Variants in OPCML observed in about 807,000 individuals in gnomAD.
OPCML encodes opioid binding protein/cell adhesion molecule like.
A neutral mutation model predicts 37.8 loss-of-function variants in OPCML; 13 were observed. That is an observed-to-expected ratio of 0.34 (90% CI 0.22 to 0.55). The LOEUF (loss-of-function observed/expected upper bound fraction) is 0.55. Ranked by LOEUF, OPCML falls within the 20% of genes least tolerant of loss-of-function variation. The pLI, the probability that OPCML is intolerant of heterozygous loss-of-function variation, is 0.91. For missense variants in OPCML, 341 were observed against 435.6 expected (o/e 0.78, Z 1.93); for synonymous variants, 176 against 168.8 (o/e 1.04, Z -0.33).
At chr11:132,792,924 C>G (rs572984516) in intron 2 of OPCML, among the ~76,000 whole-genome samples, 15 of 152,184 alleles carry the variant, frequency 9.9e-5, no homozygotes, top group Non-Finnish European at 2.2e-4. Flanking sequence ...ATAAGCATGA[C>G]GGAGCCCAGT....
intron 4 of OPCML, among the ~76,000 whole-genome samples, chr11:132,516,613 C>A (rs997582356): frequency 6.6e-6 from 1 of 152,116 alleles, no homozygotes; most frequent in Non-Finnish European, 1.5e-5. Context: ...CAGGGTGGAG[C>A]ATATCATCCC....
intron 4 of OPCML, among the ~76,000 whole-genome samples, chr11:132,466,456 C>T (rs2096120325): frequency 6.6e-6 from 1 of 151,640 alleles, no homozygotes; most frequent in South Asian, 2.1e-4. Context: ...TGCACTCCAG[C>T]CTGGGCGACA....
At chr11:132,475,944 G>A (rs2096153875) in intron 4 of OPCML, among the ~76,000 whole-genome samples, 1 of 152,162 alleles carries the variant, frequency 6.6e-6, no homozygotes, top group Non-Finnish European at 1.5e-5. Flanking sequence ...CCCTGTGCAA[G>A]TAACCTAACC....
intron 1 of OPCML, among the ~76,000 whole-genome samples, chr11:133,144,535 A>G (rs1265473975): frequency 2.0e-5 from 3 of 152,230 alleles, no homozygotes; most frequent in Non-Finnish European, 2.9e-5. Context: ...CTACAAGCCC[A>G]GGGAAGCCTT....
chr11:132,962,971 G>A (rs1442015593), intron 1 of OPCML, among the ~76,000 whole-genome samples: 1 of 152,126 alleles, frequency 6.6e-6, no homozygotes, highest in Non-Finnish European at 1.5e-5. Context: ...AGAGCAGGAG[G>A]CCTGCTTGAC....
At chr11:133,091,276 G>C (rs1948901574) in intron 1 of OPCML, among the ~76,000 whole-genome samples, 1 of 152,202 alleles carries the variant, frequency 6.6e-6, no homozygotes, top group Non-Finnish European at 1.5e-5. Flanking sequence ...AGATGCCTCA[G>C]AGAGCCTCAG....
chr11:132,508,277 T>C (rs184070659), intron 4 of OPCML, among the ~76,000 whole-genome samples: 149 of 152,274 alleles, frequency 9.8e-4, no homozygotes, highest in Middle Eastern at 3.4e-3. Context: ...TACAGACCAA[T>C]TGCCCTCATG....
chr11:133,094,731 T>C (rs1591996012), intron 1 of OPCML, among the ~76,000 whole-genome samples: 1 of 152,290 alleles, frequency 6.6e-6, no homozygotes, highest in African/African-American at 2.4e-5. Context: ...ATGTCTGGAA[T>C]GAACTATATG....
At chr11:132,533,568 C>T (rs7126009) in intron 3 of OPCML, among the ~76,000 whole-genome samples, 35,771 of 152,038 alleles carry the variant, frequency 0.24, 5,455 homozygotes, top group East Asian at 0.45. Flanking sequence ...TTGCTAAAGA[C>T]GGAAGGTCTA....
chr11:132,424,550 T>A (rs1419621284), intron 7 of OPCML, among the ~76,000 whole-genome samples: 1 of 152,160 alleles, frequency 6.6e-6, no homozygotes, highest in Non-Finnish European at 1.5e-5. Context: ...AAAACATCCC[T>A]AGGGACCTCA....
chr11:132,441,158 CTTTTTTGTTT>C (rs1186948674), intron 4 of OPCML, among the ~76,000 whole-genome samples: 2 of 108,058 alleles, frequency 1.9e-5, no homozygotes, highest in African/African-American at 4.4e-5. Context: ...TCACCAAGGA[CTTTTTTGTTT>C]TTTTTTTTTT....
chr11:133,272,367 G>T (rs1395476389), intron 1 of OPCML, among the ~76,000 whole-genome samples: 2 of 152,012 alleles, frequency 1.3e-5, no homozygotes, highest in African/African-American at 2.4e-5. Context: ...ATCAGACAGT[G>T]CTGTACAGCA....
chr11:133,524,166 TGTAGA>T (rs1194940071), intron 1 of OPCML, among the ~76,000 whole-genome samples: 2 of 152,230 alleles, frequency 1.3e-5, no homozygotes, highest in African/African-American at 4.8e-5. Flanking sequence ...TGCTTGGTAC[TGTAGA>T]GTATTCAGAG....
At chr11:133,196,469 C>T (rs1938540273) in intron 1 of OPCML, among the ~76,000 whole-genome samples, 1 of 152,112 alleles carries the variant, frequency 6.6e-6, no homozygotes. Flanking sequence ...AATCTAAGCC[C>T]CTTGGTGAAG....
intron 1 of OPCML, among the ~76,000 whole-genome samples, chr11:133,172,802 A>G (rs187473357): frequency 2.2e-4 from 33 of 152,338 alleles, no homozygotes; most frequent in African/African-American, 7.9e-4. Flanking sequence ...GGCAAGAAAA[A>G]ATAAATCTAA....
intron 2 of OPCML, among the ~76,000 whole-genome samples, chr11:132,790,018 C>T (rs537223682): frequency 1.9e-4 from 29 of 152,120 alleles, no homozygotes; most frequent in East Asian, 5.8e-4. Flanking sequence ...CATAAGTGTA[C>T]GAAAACAATA....
intron 4 of OPCML, among the ~76,000 whole-genome samples, chr11:132,486,295 G>A (rs961578222): frequency 6.6e-6 from 1 of 152,052 alleles, no homozygotes; most frequent in South Asian, 2.1e-4. Flanking sequence ...CCTATCTTAG[G>A]GTTAGTCATT....
intron 2 of OPCML, among the ~76,000 whole-genome samples, chr11:132,716,616 C>T (rs1472676549): frequency 6.6e-6 from 1 of 152,116 alleles, no homozygotes; most frequent in African/African-American, 2.4e-5. Context: ...AATAGAATTT[C>T]CCTGCAAAAT....
chr11:133,083,638 A>C (rs1243492478), intron 1 of OPCML, among the ~76,000 whole-genome samples: 2 of 152,228 alleles, frequency 1.3e-5, no homozygotes, highest in Non-Finnish European at 2.9e-5. Flanking sequence ...CACTCCATTC[A>C]TACTGGAACA....
Sources: allele counts gnomAD v4.1 joint callset (sites outside exome capture counted in the v4.1 genomes callset), GRCh38; gene constraint gnomAD v4.1.1; transcripts MANE v1.5; gene names NCBI Gene and HGNC (gene_info 2026-07-23, HGNC 2026-07-21).